ADAMTS12: variants seen among roughly 807,000 people sequenced by gnomAD.
The protein encoded by ADAMTS12 is ADAM metallopeptidase with thrombospondin type 1 motif 12, also known as A disintegrin and metalloproteinase with thrombospondin motifs 12.
Under a neutral mutation model 167.8 loss-of-function variants are expected in ADAMTS12, and 118 were observed. That is an observed-to-expected ratio of 0.70 (90% confidence interval 0.61 to 0.82). The LOEUF (loss-of-function observed/expected upper bound fraction) is 0.82, where lower values mean the gene tolerates loss of function less well. Ranked by LOEUF, ADAMTS12 falls within the 40% of genes least tolerant of loss-of-function variation. ADAMTS12 has a pLI of 0.00. For missense variants in ADAMTS12, 1,916 were observed against 1,998.8 expected, an observed-to-expected ratio of 0.96 and a Z score of 0.79; for synonymous variants, 704 against 716.9, an observed-to-expected ratio of 0.98 and a Z score of 0.29.
chr5:33,588,102 C>G (rs1240654160), intron 18 of ADAMTS12, among the ~76,000 whole-genome samples: 3 of 152,150 alleles, frequency 2.0e-5, no homozygotes, highest in Non-Finnish European at 4.4e-5. Flanking sequence ...ACTTGTGTGT[C>G]TGATAATAGA....
Position 33,827,720 on chromosome 5 carries a change from T to C in ADAMTS12, c.489+53399A>G, listed in dbSNP as rs1344121462. Among the ~76,000 whole-genome samples, 3 of 122,948 alleles carry C rather than the reference T, an allele frequency of 2.4e-5. No individual in the cohort carries two copies. In the East Asian group the frequency reaches 6.0e-4, roughly 25 times the overall value. 80.7% of individuals were successfully genotyped at this position (122,948 alleles called of 152,430 possible). ...CCTTGGAGAAAACAAAATAGATAGATAGATAGATAGATAGATAGATAGATA... is the reference window on the plus strand; with the variant it reads ...CCTTGGAGAAAACAAAATAGATAGACAGATAGATAGATAGATAGATAGATA... On this transcript the variant is annotated intron_variant, in intron 2 of 23. Coordinates refer to ENST00000504830, the MANE Select transcript of ADAMTS12 (RefSeq NM_030955.4).
intron 23 of ADAMTS12, among the ~76,000 whole-genome samples, chr5:33,531,896 T>C (rs1237960821): frequency 5.3e-5 from 8 of 152,310 alleles, no homozygotes; most frequent in Admixed American, 4.6e-4. Context: ...GAGTGGCCTA[T>C]ATTGGCAGTC....
At chr5:33,773,298 T>C (rs1044794521) in intron 2 of ADAMTS12, among the ~76,000 whole-genome samples, 1 of 152,208 alleles carries the variant, frequency 6.6e-6, no homozygotes, top group Non-Finnish European at 1.5e-5. Flanking sequence ...CTTCCTATAA[T>C]AGATAGTAGG....
intron 22 of ADAMTS12, among the ~76,000 whole-genome samples, chr5:33,536,831 T>C (rs1407959432): frequency 6.6e-6 from 1 of 152,252 alleles, no homozygotes; most frequent in Non-Finnish European, 1.5e-5. Flanking sequence ...ATTGTTTCCC[T>C]GAATGGGCCC....
intron 2 of ADAMTS12, among the ~76,000 whole-genome samples, chr5:33,831,493 T>C (rs748974471): frequency 6.1e-4 from 93 of 152,224 alleles, no homozygotes; most frequent in Non-Finnish European, 9.7e-4. Flanking sequence ...AATAGTAGTC[T>C]GGCTTCTGAA....
chr5:33,649,093 C>T (rs1561194034), intron 8 of ADAMTS12, 127 bp from the exon 9 acceptor site: 1 of 1,143,848 alleles, frequency 8.7e-7, no homozygotes, highest in Non-Finnish European at 1.2e-6. Context: ...TTTTACAAGG[C>T]AGAGAACTCT....
chr5:33,710,596 T>A (rs1743363470), intron 3 of ADAMTS12, among the ~76,000 whole-genome samples: 1 of 152,204 alleles, frequency 6.6e-6, no homozygotes, highest in African/African-American at 2.4e-5. Flanking sequence ...CTCATGGAGC[T>A]TGGAATTTGA....
chr5:33,633,169 T>C (rs1236309515), intron 12 of ADAMTS12, among the ~76,000 whole-genome samples: 1 of 150,700 alleles, frequency 6.6e-6, no homozygotes, highest in Non-Finnish European at 1.5e-5. Flanking sequence ...ACTTGCATTT[T>C]TATAAGACAC....
intron 18 of ADAMTS12, among the ~76,000 whole-genome samples, chr5:33,587,298 A>G (rs1747409814): frequency 6.6e-6 from 1 of 152,198 alleles, no homozygotes; most frequent in Admixed American, 6.5e-5. Context: ...ATCATCAAAT[A>G]TTTTTTAAAC....
rs372925389 is a variant in ADAMTS12 at position 33,576,823 on chromosome 5, T to G, written c.3203A>C (p.Gln1068Pro). 8.1e-6 allele frequency: 13 copies of G among 1,614,186 alleles called. No homozygotes were observed. Among genetic ancestry groups the G allele is most frequent in the Non-Finnish European group, 9.3e-6 (11 of 1,180,026 alleles). The change falls in exon 19 of 24, where the codon CAA becomes CCA. Residue 1068 changes from glutamine to proline, a missense_variant. Transcript: ENST00000504830. ...KEGDLGGKQW[Q>P]DSSTQPELSS... ...CAGCTCAGGTTGGGTTGAGCTATCT[T>G]GCCACTGTTTCCCACCCAGGTCTCC...
rs543045375 is a variant in ADAMTS12 at position 33,569,024 on chromosome 5, C to T, written c.3972+7030G>A. ...AGCAGTCTGAGATCAAACTGCAAGG[C>T]GGCAGCAAGGCTGGGGGAGGGGCAC... On this transcript the variant is annotated intron_variant, in intron 19 of 23. Transcript: ENST00000504830. 2.7e-3 allele frequency among the ~76,000 whole-genome samples: 410 copies of T among 152,326 alleles called. 4 individuals carry two copies. The highest frequency in any genetic ancestry group is 8.7e-3 in the African/African-American group (363 of 41,582).
chr5:33,725,488 T>C lies in ADAMTS12; in HGVS notation c.634+25916A>G, dbSNP rs185227514. Among the ~76,000 whole-genome samples the C allele has an allele frequency of 3.3e-5, 5 of 152,316 alleles. No individual in the cohort carries two copies. The East Asian group carries it at 7.7e-4, about 24-fold the overall frequency. On this transcript the variant is annotated intron_variant, in intron 3 of 23. Transcript: ENST00000504830. The stretch of plus-strand genomic sequence containing the variant: ...TAAATTCTGTTGCCATCCCAGAGCA[T>C]AGAAACTCTCTGAAGTCTTTAAAGC...
At chr5:33,716,375 T>C (rs1228718245) in intron 3 of ADAMTS12, among the ~76,000 whole-genome samples, 2 of 152,192 alleles carry the variant, frequency 1.3e-5, no homozygotes, top group African/African-American at 2.4e-5. Flanking sequence ...TGTTTTCTTA[T>C]GGCAACCCAA....
chr5:33,745,735 G>GA (rs146184848), intron 3 of ADAMTS12, among the ~76,000 whole-genome samples: 7,122 of 152,104 alleles, frequency 0.047, 588 homozygotes, highest in African/African-American at 0.16. Flanking sequence ...GCTGGTTAAT[G>GA]AAAAAAGGCT....
At chr5:33,572,735 GA>G (rs1351104528) in intron 19 of ADAMTS12, among the ~76,000 whole-genome samples, 1 of 148,434 alleles carries the variant, frequency 6.7e-6, no homozygotes, top group Non-Finnish European at 1.5e-5. Flanking sequence ...CATAGTGTTG[GA>G]AGTTCTGGCC....
chr5:33,648,713 T>A, intron 9 of ADAMTS12, 109 bp downstream of exon 9: 1 of 1,367,382 alleles, frequency 7.3e-7, no homozygotes, highest in Non-Finnish European at 1.0e-6. Context: ...ATATAAAGCT[T>A]CTATTTCTGT....
At chr5:33,656,451 A>G (rs953887854) in intron 7 of ADAMTS12, among the ~76,000 whole-genome samples, 3 of 152,206 alleles carry the variant, frequency 2.0e-5, no homozygotes, top group Non-Finnish European at 4.4e-5. Context: ...TAAGTCCATG[A>G]TTGCCTCAAA....
At chr5:33,724,706 C>A (rs997910576) in intron 3 of ADAMTS12, among the ~76,000 whole-genome samples, 1 of 152,072 alleles carries the variant, frequency 6.6e-6, no homozygotes, top group East Asian at 1.9e-4. Context: ...CGCCCGCCAC[C>A]GTGCCCGGCT....
intron 6 of ADAMTS12, among the ~76,000 whole-genome samples, chr5:33,658,863 T>C (rs1741153743): frequency 6.6e-6 from 1 of 152,192 alleles, no homozygotes. Context: ...ATATTGCATA[T>C]ATGAGAGAAT....
Sources: gnomAD v4.1 joint callset for allele counts (sites outside exome capture counted in the v4.1 genomes callset) on GRCh38, gnomAD v4.1.1 for gene constraint, MANE v1.5 for transcripts, NCBI Gene and HGNC (gene_info 2026-07-23, HGNC 2026-07-21) for gene names.